Variants in KCNC1 observed in about 807,000 individuals in gnomAD.
KCNC1 encodes the protein voltage-gated potassium channel KCNC1.
In KCNC1, 8 loss-of-function variants were observed where a neutral mutation model predicts 43.4. The ratio of observed to expected loss-of-function variants is 0.18; its 90% CI spans 0.11 to 0.33. The LOEUF (loss-of-function observed/expected upper bound fraction) is 0.33, where lower values mean the gene tolerates loss of function less well. KCNC1 is among the 10% of genes least tolerant of loss of function. The pLI is 1.00. For synonymous variants in KCNC1, 361 were observed against 360.5 expected (o/e 1.00, Z -0.01); for missense variants, 420 against 836.0 (o/e 0.50, Z 6.14).
chr11:17,744,574 C>G (rs556336886), intron 1 of KCNC1, among the ~76,000 whole-genome samples: 1 of 152,152 alleles, frequency 6.6e-6, no homozygotes, highest in Admixed American at 6.5e-5. Flanking sequence ...ACCCATTGCC[C>G]GCTTCTCCAG....
Position 17,736,093 on chromosome 11 carries a change from G to C in KCNC1, c.91G>C (p.Gly31Arg), listed in dbSNP as rs2133774003. Residue 31 changes from glycine to arginine, a missense_variant, in exon 1 of 4, where the codon GGC (glycine) becomes CGC (arginine). Transcript: ENST00000265969. This position sits in a 1 kb window ranked among gnomAD's most constrained non-coding sequence, Gnocchi z 9.3. The stretch of plus-strand genomic sequence containing the variant: ...CCGCTCGACCCTGCGCACGCTGCCC[G>C]GCACGCGGCTCGCCTGGCTGGCGGA... ...TYRSTLRTLP[G>R]TRLAWLAEPD... 3 of 1,608,088 alleles carry C rather than the reference G, an allele frequency of 1.9e-6. No individual in the cohort carries two copies. Among genetic ancestry groups the C allele is most frequent in the Non-Finnish European group, 2.5e-6 (3 of 1,177,384 alleles).
chr11:17,776,673 G>A lies in KCNC1; in HGVS notation c.1505-2783G>A. 4.1e-6 allele frequency: 4 copies of A among 985,196 alleles called. No homozygotes were observed. The highest frequency in any genetic ancestry group is 4.7e-5 in the South Asian group (1 of 21,278). 61.0% of individuals were successfully genotyped at this position (985,196 alleles called of 1,614,324 possible). On this transcript the variant is annotated intron_variant, in intron 2 of 3. Transcript: ENST00000265969. The surrounding 1 kb of genome is among the most constrained non-coding windows in gnomAD (Gnocchi z 4.4). ...GGGGGCCCTGGGCTGGGGGAGGCAG[G>A]GCCCCCAGCCTCTGGAAAGCAGGTG...
chr11:17,771,594 T>A lies in KCNC1; in HGVS notation c.571-71T>A. 1 of 1,382,148 alleles carries A rather than the reference T, an allele frequency of 7.2e-7. No individual in the cohort carries two copies. The highest frequency in any genetic ancestry group is 1.0e-6 in the Non-Finnish European group (1 of 1,000,948). 85.6% of individuals were successfully genotyped at this position (1,382,148 alleles called of 1,614,324 possible). Reference sequence around the variant, plus strand: ...ATCTCCCCCCGCCTGGCCCTGGGACTGGACAGAGGCAACCCAGGCTTCTCC... The same window carrying A: ...ATCTCCCCCCGCCTGGCCCTGGGACAGGACAGAGGCAACCCAGGCTTCTCC... On this transcript the variant is annotated intron_variant, in intron 1 of 3. Transcript: ENST00000265969. The surrounding 1 kb of genome is among the most constrained non-coding windows in gnomAD (Gnocchi z 4.7).
chr11:17,771,629 G>A lies in KCNC1; in HGVS notation c.571-36G>A. 1 of 1,559,314 alleles carries A rather than the reference G, an allele frequency of 6.4e-7. No individual in the cohort carries two copies. The highest frequency in any genetic ancestry group is 1.2e-5 in the South Asian group (1 of 83,900). On this transcript the variant is annotated intron_variant, in intron 1 of 3. Coordinates refer to ENST00000265969, the MANE Select transcript of KCNC1 (RefSeq NM_001112741.2). This position sits in a 1 kb window ranked among gnomAD's most constrained non-coding sequence, Gnocchi z 4.7. ...CAACCCAGGCTTCTCCACTCTGGGTGGGCCTCCCTCTGACACTGTGTCTTT... is the reference window on the plus strand; with the variant it reads ...CAACCCAGGCTTCTCCACTCTGGGTAGGCCTCCCTCTGACACTGTGTCTTT...
chr11:17,747,986 C>T (rs1476960467), intron 1 of KCNC1, among the ~76,000 whole-genome samples: 1 of 152,230 alleles, frequency 6.6e-6, no homozygotes. Flanking sequence ...GGGCTGCTGT[C>T]AGCACCAATT....
chr11:17,756,580 A>ACCC (rs1289873164), intron 1 of KCNC1, among the ~76,000 whole-genome samples: 1 of 150,280 alleles, frequency 6.7e-6, no homozygotes, highest in Non-Finnish European at 1.5e-5. Context: ...GGGAGTCAGG[A>ACCC]CCCCTGACTC....
chr11:17,744,389 A>T (rs1848875426), intron 1 of KCNC1, among the ~76,000 whole-genome samples: 1 of 152,144 alleles, frequency 6.6e-6, no homozygotes, highest in South Asian at 2.1e-4. Flanking sequence ...CCCAGCAGGA[A>T]GGGGTCTAAA....
In KCNC1 at chr11:17,777,926, C is replaced by A; in HGVS notation, c.1505-1530C>A. 1.3e-6 allele frequency: 1 copy of A among 790,358 alleles called. No individual in the cohort carries two copies. Among genetic ancestry groups the A allele is most frequent in the Non-Finnish European group, 1.5e-6 (1 of 651,578 alleles). 49.0% of individuals were successfully genotyped at this position (790,358 alleles called of 1,614,324 possible). A position where few individuals can be genotyped will look rare whatever the true frequency, so the allele number is the denominator to read the frequency against. On this transcript the variant is annotated intron_variant, in intron 2 of 3. Coordinates refer to ENST00000265969, the MANE Select transcript of KCNC1 (RefSeq NM_001112741.2). The surrounding 1 kb of genome is among the most constrained non-coding windows in gnomAD (Gnocchi z 4.3). ...TGCACGTGGGGAAGGATCACTTCTG[C>A]GTGTAGTTACATGATGTGAACAGGA...
chr11:17,767,989 C>T (rs769747858), intron 1 of KCNC1, among the ~76,000 whole-genome samples: 2 of 152,214 alleles, frequency 1.3e-5, no homozygotes, highest in African/African-American at 4.8e-5. Flanking sequence ...GAGAGGAGCA[C>T]TTGAGATGAG....
intron 1 of KCNC1, among the ~76,000 whole-genome samples, chr11:17,759,466 T>C (rs891306255): frequency 6.6e-6 from 1 of 152,224 alleles, no homozygotes; most frequent in Non-Finnish European, 1.5e-5. Flanking sequence ...CTTGGCTGAC[T>C]GTTTGGTGCA....
Position 17,736,582 on chromosome 11 carries a change from A to C in KCNC1, c.570+10A>C. The stretch of plus-strand genomic sequence containing the variant: ...GTCCCGCTACGCGCGGGTAAGTGAC[A>C]ATTTACCCATCAGAAGAGCGGGGCG... On this transcript the variant is annotated intron_variant, in intron 1 of 3. Transcript: ENST00000265969. The surrounding 1 kb of genome is among the most constrained non-coding windows in gnomAD (Gnocchi z 9.3). 1 of 1,508,310 alleles carries C rather than the reference A, an allele frequency of 6.6e-7. No individual in the cohort carries two copies. Among genetic ancestry groups the C allele is most frequent in the East Asian group, 2.4e-5 (1 of 41,894 alleles). 93.4% of individuals were successfully genotyped at this position (1,508,310 alleles called of 1,614,324 possible).
rs1345936780 is a variant in KCNC1, at chr11:17,782,484, T to A, written c.*750T>A. 6.6e-6 allele frequency: 1 copy of A among 152,150 alleles called. No individual in the cohort carries two copies. The highest frequency in any genetic ancestry group is 1.5e-5 in the Non-Finnish European group (1 of 68,028). 9.4% of individuals were successfully genotyped at this position (152,150 alleles called of 1,614,324 possible). Reference sequence around the variant, plus strand: ...TTCTCTCATCTTATCGGTGTGTAGATCCAGTGTGACCAACTTTCATAACAA... The same window carrying A: ...TTCTCTCATCTTATCGGTGTGTAGAACCAGTGTGACCAACTTTCATAACAA... On this transcript the variant is annotated 3_prime_UTR_variant, in exon 4 of 4. Coordinates refer to ENST00000265969, the MANE Select transcript of KCNC1 (RefSeq NM_001112741.2).
At chr11:17,766,648 G>A (rs534583071) in intron 1 of KCNC1, among the ~76,000 whole-genome samples, 7 of 152,306 alleles carry the variant, frequency 4.6e-5, no homozygotes, top group South Asian at 2.1e-4. Flanking sequence ...GGCCTAAGAA[G>A]CATTCAGATG....
At chr11:17,769,405 T>C (rs2133803138) in intron 1 of KCNC1, among the ~76,000 whole-genome samples, 1 of 145,506 alleles carries the variant, frequency 6.9e-6, no homozygotes, top group South Asian at 2.2e-4. Context: ...GATGTATGGA[T>C]GGAAAGAAGG....
chr11:17,737,328 T>C (rs1275208019), intron 1 of KCNC1, among the ~76,000 whole-genome samples: 5 of 152,156 alleles, frequency 3.3e-5, no homozygotes, highest in Admixed American at 6.5e-5. Flanking sequence ...CAGTGCTTCC[T>C]CTGGGACATC....
At position 17,735,925 on chromosome 11, in the gene KCNC1, C is replaced by A. The variant is rs1471832462; in HGVS notation, c.-78C>A. 7.3e-7 allele frequency: 1 copy of A among 1,376,416 alleles called. No homozygotes were observed. The highest frequency in any genetic ancestry group is 2.9e-5 in the East Asian group (1 of 33,954). 85.3% of individuals were successfully genotyped at this position (1,376,416 alleles called of 1,614,324 possible). On this transcript the variant is annotated 5_prime_UTR_variant, in exon 1 of 4. Coordinates refer to ENST00000265969, the MANE Select transcript of KCNC1 (RefSeq NM_001112741.2). The surrounding 1 kb of genome is among the most constrained non-coding windows in gnomAD (Gnocchi z 6.7). ...GAGGGGGGAAGAGGGCGCGCGCCCCCCTCCCCGGCGCCAACTCCCCCTGGC... is the reference window on the plus strand; with the variant it reads ...GAGGGGGGAAGAGGGCGCGCGCCCCACTCCCCGGCGCCAACTCCCCCTGGC...
intron 1 of KCNC1, among the ~76,000 whole-genome samples, chr11:17,762,534 C>T (rs533625552): frequency 6.0e-4 from 91 of 152,306 alleles, no homozygotes; most frequent in African/African-American, 2.1e-3. Flanking sequence ...TGAGTCAGGC[C>T]TGAAAAGCAG....
In KCNC1 at chr11:17,735,950, C is replaced by T; in HGVS notation, c.-53C>T. On this transcript the variant is annotated 5_prime_UTR_variant, in exon 1 of 4. Coordinates refer to ENST00000265969, the MANE Select transcript of KCNC1 (RefSeq NM_001112741.2). This position sits in a 1 kb window ranked among gnomAD's most constrained non-coding sequence, Gnocchi z 6.7. The stretch of plus-strand genomic sequence containing the variant: ...CCTCCCCGGCGCCAACTCCCCCTGG[C>T]GGCCGCTCCCATGGGTGTCGCTGGG... 1 of 1,380,618 alleles carries T rather than the reference C, an allele frequency of 7.2e-7. No homozygotes were observed. The highest frequency in any genetic ancestry group is 2.9e-5 in the East Asian group (1 of 33,916). The allele number at this position is 1,380,618 out of a possible 1,614,324, so 85.5% of individuals were successfully genotyped here.
In KCNC1 at chr11:17,735,213, A is replaced by T. The variant is rs1848749497; in HGVS notation, c.-790A>T. On this transcript the variant is annotated 5_prime_UTR_variant, in exon 1 of 4. Coordinates refer to ENST00000265969, the MANE Select transcript of KCNC1 (RefSeq NM_001112741.2). The surrounding 1 kb of genome is among the most constrained non-coding windows in gnomAD (Gnocchi z 6.7). ...GAGAGCAGCGCTCGGCGTTAGCCGCACGAGCAACACCCCGGGTGCCCCTGC... is the reference window on the plus strand; with the variant it reads ...GAGAGCAGCGCTCGGCGTTAGCCGCTCGAGCAACACCCCGGGTGCCCCTGC... 6.6e-6 allele frequency: 1 copy of T among 151,846 alleles called. No individual in the cohort carries two copies. The highest frequency in any genetic ancestry group is 6.5e-5 in the Admixed American group (1 of 15,270). The allele number at this position is 151,846 out of a possible 1,614,324, so 9.4% of individuals were successfully genotyped here.
Sources: gnomAD v4.1 joint callset for allele counts (sites outside exome capture counted in the v4.1 genomes callset) on GRCh38, gnomAD v4.1.1 for gene constraint, Gnocchi (gnomAD v3.1) non-coding constraint, MANE v1.5 for transcripts, NCBI Gene and HGNC (gene_info 2026-07-23, HGNC 2026-07-21) for gene names.